CENPQ: variants seen among roughly 807,000 people sequenced by gnomAD.
The protein encoded by CENPQ is centromere protein Q.
Under a neutral mutation model 36.6 loss-of-function variants are expected in CENPQ, and 27 were observed. The ratio of observed to expected loss-of-function variants is 0.74; its 90% CI spans 0.54 to 1.02. The LOEUF (loss-of-function observed/expected upper bound fraction) is 1.02. Among genes scored for constraint, CENPQ ranks in the 50% least tolerant of loss-of-function variants. The pLI is 0.00. For synonymous variants in CENPQ, 101 were observed against 101.7 expected, an observed-to-expected ratio of 0.99 and a Z score of 0.04; for missense variants, 306 against 301.8, an observed-to-expected ratio of 1.01 and a Z score of -0.10.
intron 1 of CENPQ, among the ~76,000 whole-genome samples, chr6:49,469,511 C>T (rs961619094): frequency 7.9e-5 from 12 of 152,106 alleles, no homozygotes; most frequent in African/African-American, 2.9e-4. Context: ...TAAATTTTAT[C>T]AACATCCCCA....
chr6:49,490,213 C>T (rs1490493700), intron 8 of CENPQ, among the ~76,000 whole-genome samples: 1 of 152,254 alleles, frequency 6.6e-6, no homozygotes, highest in Non-Finnish European at 1.5e-5. Context: ...CACCAGTGAT[C>T]TTAGCTAGCT....
intron 1 of CENPQ, among the ~76,000 whole-genome samples, chr6:49,467,920 G>A (rs979255863): frequency 6.6e-6 from 1 of 152,150 alleles, no homozygotes; most frequent in Non-Finnish European, 1.5e-5. Flanking sequence ...ATTACTCAAA[G>A]TGTGTTCAGG....
rs1187838387 is a variant in CENPQ, at chr6:49,481,217, T to G, written c.477+137T>G. On this transcript the variant is annotated intron_variant, in intron 6 of 8. Coordinates refer to ENST00000335783, the MANE Select transcript of CENPQ (RefSeq NM_018132.4). ...CCAGGTTTTTTCATTAAATTGTTTT[T>G]TTGTTGTTGTTTTCATTAAAGCAAA... The G allele has an allele frequency of 6.6e-6, 5 of 752,410 alleles. 1 individual carries two copies. In the Middle Eastern group the frequency reaches 8.6e-4, roughly 129 times the overall value. 46.6% of individuals were successfully genotyped at this position (752,410 alleles called of 1,614,324 possible).
At chr6:49,482,339 G>A (rs573586776) in intron 6 of CENPQ, among the ~76,000 whole-genome samples, 7 of 152,296 alleles carry the variant, frequency 4.6e-5, no homozygotes, top group South Asian at 2.1e-4. Context: ...AGGAGGCGCC[G>A]AGAGTGAGCG....
At chr6:49,472,217 G>A (rs1439039232) in intron 4 of CENPQ, 34 bp downstream of exon 4, 1 of 1,552,762 alleles carries the variant, frequency 6.4e-7, no homozygotes, top group Non-Finnish European at 8.7e-7. Context: ...CATTCTTTTG[G>A]TTCCCATTTA....
intron 5 of CENPQ, among the ~76,000 whole-genome samples, chr6:49,477,679 A>G (rs2127425641): frequency 6.6e-6 from 1 of 152,246 alleles, no homozygotes; most frequent in Non-Finnish European, 1.5e-5. Context: ...TTTTTCTTTA[A>G]ATATAATTTT....
At chr6:49,481,532 A>C (rs543447331) in intron 6 of CENPQ, among the ~76,000 whole-genome samples, 182 of 152,268 alleles carry the variant, frequency 1.2e-3, no homozygotes, top group Middle Eastern at 6.8e-3. Context: ...GATTTATTGC[A>C]AAGAGCGAAA....
chr6:49,487,745 A>C (rs1042490838), intron 6 of CENPQ, among the ~76,000 whole-genome samples: 12 of 152,104 alleles, frequency 7.9e-5, no homozygotes, highest in African/African-American at 2.9e-4. Flanking sequence ...TTAATTTTAT[A>C]CTTGGCCTGC....
At chr6:49,483,604 C>T (rs1000866892) in intron 6 of CENPQ, among the ~76,000 whole-genome samples, 7 of 152,298 alleles carry the variant, frequency 4.6e-5, no homozygotes, top group Admixed American at 1.3e-4. Flanking sequence ...CGAGCAGTGC[C>T]GGTGGGCTGG....
Position 49,470,229 on chromosome 6 carries a change from A to T in CENPQ, c.53A>T (p.Asn18Ile). 1 of 1,611,470 alleles carries T rather than the reference A, an allele frequency of 6.2e-7. No individual in the cohort carries two copies. The highest frequency in any genetic ancestry group is 8.5e-7 in the Non-Finnish European group (1 of 1,178,326). The stretch of plus-strand genomic sequence containing the variant: ...AAAAACGCTCAACAGTTAAAAAGAA[A>T]TCCAAAGAGAAAAAAGGATAATGAG... ...SKKNAQQLKR[N>I]PKRKKDNEEV... The change falls in exon 2 of 9, where the codon AAT (asparagine) becomes ATT (isoleucine). Residue 18 changes from asparagine (N) to isoleucine (I), a missense_variant. Asn to Ile is a moderately radical substitution (Grantham distance 149). Coordinates refer to ENST00000335783, the MANE Select transcript of CENPQ (RefSeq NM_018132.4).
intron 1 of CENPQ, among the ~76,000 whole-genome samples, chr6:49,466,899 C>T (rs1172751447): frequency 1.3e-5 from 2 of 152,108 alleles, no homozygotes; most frequent in African/African-American, 4.8e-5. Context: ...ACAATTTACC[C>T]TCGTTGCAGG....
intron 6 of CENPQ, among the ~76,000 whole-genome samples, chr6:49,486,573 A>G (rs1475752068): frequency 6.6e-6 from 1 of 152,194 alleles, no homozygotes; most frequent in Non-Finnish European, 1.5e-5. Flanking sequence ...AGACTCAGAC[A>G]TATCAACCAG....
chr6:49,481,029 T>C lies in CENPQ; in HGVS notation c.426T>C (p.Asn142=). 6.2e-7 allele frequency: 1 copy of C among 1,611,388 alleles called. No homozygotes were observed. The change falls in exon 6 of 9, where the codon AAT becomes AAC. Residue 142 remains asparagine, a synonymous_variant. Transcript: ENST00000335783. The part of the protein sequence containing the change: ...EDLTNVSSLL[N]MERARDKANE... ...TAACTAATGTATCAAGTCTACTGAA[T>C]ATGGAAAGGGCACGAGACAAAGCTA... is the stretch of plus-strand genomic sequence containing the variant.
At chr6:49,470,901 C>A in intron 2 of CENPQ, 73 bp from the exon 3 acceptor site, 2 of 807,670 alleles carry the variant, frequency 2.5e-6, no homozygotes, top group South Asian at 3.0e-5. Flanking sequence ...ATATAAAAAT[C>A]TATTGTAAAA....
chr6:49,487,675 A>G (rs1433591962), intron 6 of CENPQ, among the ~76,000 whole-genome samples: 2 of 152,104 alleles, frequency 1.3e-5, no homozygotes, highest in Non-Finnish European at 2.9e-5. Flanking sequence ...TGTTGCTAGG[A>G]CCATATTTGA....
intron 3 of CENPQ, 59 bp from the exon 4 acceptor site, chr6:49,472,004 T>A: frequency 6.6e-7 from 1 of 1,511,436 alleles, no homozygotes; most frequent in Non-Finnish European, 8.8e-7. Flanking sequence ...ATTCCATTTT[T>A]AAGCAAAAAC....
At chr6:49,485,395 C>A (rs140303942) in intron 6 of CENPQ, among the ~76,000 whole-genome samples, 34 of 152,146 alleles carry the variant, frequency 2.2e-4, no homozygotes, top group Admixed American at 2.0e-3. Flanking sequence ...TTTTAGACTC[C>A]CTTGATCTTG....
Position 49,480,946 on chromosome 6 carries a change from T to G in CENPQ, c.348-5T>G. 2 of 1,569,324 alleles carry G rather than the reference T, an allele frequency of 1.3e-6. No homozygotes were observed. The highest frequency in any genetic ancestry group is 8.6e-7 in the Non-Finnish European group (1 of 1,160,036). On this transcript the variant is annotated splice_polypyrimidine_tract_variant and splice_region_variant and intron_variant, in intron 5 of 8. Coordinates refer to ENST00000335783, the MANE Select transcript of CENPQ (RefSeq NM_018132.4). ...CAAAATAATTGTTTTTATTTTATCCTTAAGATTGCTACAACAGTGTGAAAC... is the reference window on the plus strand; with the variant it reads ...CAAAATAATTGTTTTTATTTTATCCGTAAGATTGCTACAACAGTGTGAAAC...
chr6:49,470,370 G>A (rs71568479), intron 2 of CENPQ, 92 bp downstream of exon 2: 310 of 665,900 alleles, frequency 4.7e-4, no homozygotes, highest in Non-Finnish European at 6.7e-4. Context: ...TTGGGAGGCC[G>A]AGGTGGGTGG....
Sources: allele counts gnomAD v4.1 joint callset (sites outside exome capture counted in the v4.1 genomes callset), GRCh38; gene constraint gnomAD v4.1.1; transcripts MANE v1.5; gene names NCBI Gene and HGNC (gene_info 2026-07-23, HGNC 2026-07-21).